Variants in TNFSF4 observed in about 807,000 individuals in gnomAD.
The protein encoded by TNFSF4 is TNF superfamily member 4.
In TNFSF4, 4 loss-of-function variants were observed where a neutral mutation model predicts 7.3. That is an observed-to-expected ratio of 0.55 (90% CI 0.27 to 1.25). TNFSF4 has a LOEUF of 1.25. TNFSF4 is among the 50% of genes most tolerant of loss of function. The pLI, the probability that TNFSF4 is intolerant of heterozygous loss-of-function variation, is 0.12. For synonymous variants in TNFSF4, 76 were observed against 83.7 expected (o/e 0.91, Z 0.50); for missense variants, 181 against 208.8 (o/e 0.87, Z 0.82).
the TNFSF4 span, among the ~76,000 whole-genome samples, chr1:173,427,644 T>C: frequency 6.6e-6 from 1 of 152,200 alleles, no homozygotes; most frequent in African/African-American, 2.4e-5. Flanking sequence ...ACTATAATCA[T>C]GCATCCCTTA....
At chr1:173,401,958 A>G in the TNFSF4 span, among the ~76,000 whole-genome samples, 1 of 152,194 alleles carries the variant, frequency 6.6e-6, no homozygotes, top group South Asian at 2.1e-4. Flanking sequence ...TGGCCAGTGT[A>G]AAGTTTGTGC....
At chr1:173,380,063 G>C in the TNFSF4 span, among the ~76,000 whole-genome samples, 1 of 152,180 alleles carries the variant, frequency 6.6e-6, no homozygotes, top group African/African-American at 2.4e-5. Flanking sequence ...CTGGACACTG[G>C]CGTGGCCTTC....
chr1:173,191,882 T>G (rs1649494757), intron 1 of TNFSF4, among the ~76,000 whole-genome samples: 1 of 152,158 alleles, frequency 6.6e-6, no homozygotes, highest in Non-Finnish European at 1.5e-5. Flanking sequence ...GTGGTAAGCA[T>G]TTTAAAAATG....
chr1:173,327,053 T>C, the TNFSF4 span, among the ~76,000 whole-genome samples: 1 of 152,126 alleles, frequency 6.6e-6, no homozygotes, highest in Admixed American at 6.6e-5. Flanking sequence ...GAGCCTGCAT[T>C]GCCAAGTCAA....
chr1:173,224,418 AAC>A, the TNFSF4 span, among the ~76,000 whole-genome samples: 1 of 152,194 alleles, frequency 6.6e-6, no homozygotes, highest in South Asian at 2.1e-4. Flanking sequence ...CTGGAATGTG[AAC>A]ACTCATGACT....
chr1:173,379,647 T>C, the TNFSF4 span, among the ~76,000 whole-genome samples: 1 of 152,078 alleles, frequency 6.6e-6, no homozygotes, highest in African/African-American at 2.4e-5. Flanking sequence ...CAGTGTTCTG[T>C]AATAGGGACC....
the TNFSF4 span, among the ~76,000 whole-genome samples, chr1:173,444,805 T>C: frequency 9.2e-5 from 14 of 152,102 alleles, no homozygotes; most frequent in African/African-American, 2.9e-4. Flanking sequence ...AAGAGGAAGA[T>C]TGCTTATGAA....
At chr1:173,250,818 G>C in the TNFSF4 span, among the ~76,000 whole-genome samples, 1 of 152,182 alleles carries the variant, frequency 6.6e-6, no homozygotes, top group African/African-American at 2.4e-5. Context: ...AGGGAGAGAA[G>C]TAGTATGAGA....
chr1:173,357,814 CG>C, the TNFSF4 span, among the ~76,000 whole-genome samples: 1 of 152,142 alleles, frequency 6.6e-6, no homozygotes, highest in Non-Finnish European at 1.5e-5. Flanking sequence ...GGATTACAGG[CG>C]GGAGCCACTG....
At chr1:173,385,092 T>C in the TNFSF4 span, among the ~76,000 whole-genome samples, 9 of 152,226 alleles carry the variant, frequency 5.9e-5, no homozygotes, top group Non-Finnish European at 1.0e-4. Flanking sequence ...TAAAATGATT[T>C]TTCCCAGGCA....
At chr1:173,331,095 G>T in the TNFSF4 span, among the ~76,000 whole-genome samples, 1 of 152,040 alleles carries the variant, frequency 6.6e-6, no homozygotes, top group Non-Finnish European at 1.5e-5. Flanking sequence ...ATGTTGGCCA[G>T]GCTGATCTCG....
chr1:173,259,493 G>A, the TNFSF4 span, among the ~76,000 whole-genome samples: 1 of 152,194 alleles, frequency 6.6e-6, no homozygotes, highest in South Asian at 2.1e-4. Context: ...ATGAGGCTGA[G>A]ATGCATAAAC....
chr1:173,319,994 T>C, the TNFSF4 span, among the ~76,000 whole-genome samples: 1 of 152,160 alleles, frequency 6.6e-6, no homozygotes, highest in African/African-American at 2.4e-5. Context: ...CAAAACTGGA[T>C]GGAGATACCA....
the TNFSF4 span, among the ~76,000 whole-genome samples, chr1:173,372,276 G>A: frequency 0.06 from 9,082 of 152,030 alleles, 914 homozygotes; most frequent in African/African-American, 0.2. Flanking sequence ...ATGGATCCCC[G>A]GATACAGCAA....
intron 2 of TNFSF4, among the ~76,000 whole-genome samples, chr1:173,188,256 G>A (rs1649316011): frequency 6.6e-6 from 1 of 152,216 alleles, no homozygotes; most frequent in South Asian, 2.1e-4. Context: ...CTACCCAGAA[G>A]GTTCCTTGGA....
chr1:173,290,118 A>G, the TNFSF4 span, among the ~76,000 whole-genome samples: 1 of 152,164 alleles, frequency 6.6e-6, no homozygotes, highest in African/African-American at 2.4e-5. Flanking sequence ...CATCATGAAC[A>G]TATCTGCCAC....
At chr1:173,433,775 A>G in the TNFSF4 span, among the ~76,000 whole-genome samples, 1 of 152,162 alleles carries the variant, frequency 6.6e-6, no homozygotes, top group Non-Finnish European at 1.5e-5. Flanking sequence ...TTACGGGTTG[A>G]ATTTTGTCCC....
chr1:173,271,407 C>A, the TNFSF4 span, among the ~76,000 whole-genome samples: 1 of 152,058 alleles, frequency 6.6e-6, no homozygotes, highest in Non-Finnish European at 1.5e-5. Flanking sequence ...ATAGGGGATC[C>A]TTTCCCCATT....
At chr1:173,180,552 A>T (rs941483564), downstream of TNFSF4, among the ~76,000 whole-genome samples, 1 of 152,204 alleles carries the variant, frequency 6.6e-6, no homozygotes, top group Non-Finnish European at 1.5e-5. Flanking sequence ...AAATTATTTT[A>T]GACTTTCAAA....
Sources: gnomAD v4.1 joint callset for allele counts (sites outside exome capture counted in the v4.1 genomes callset) on GRCh38, gnomAD v4.1.1 for gene constraint, MANE v1.5 for transcripts, NCBI Gene and HGNC (gene_info 2026-07-23, HGNC 2026-07-21) for gene names.